Variants in TOP6BL observed in about 807,000 individuals in gnomAD.
TOP6BL encodes TOP6B like initiator of meiotic double strand breaks, also known as type 2 DNA topoisomerase 6 subunit B-like.
the TOP6BL span, chr11:66,828,177 T>A: frequency 1.2e-6 from 1 of 824,842 alleles, no homozygotes; most frequent in African/African-American, 1.7e-5. Context: ...GTCTGCCTCC[T>A]CATCTCCCTG....
the TOP6BL span, among the ~76,000 whole-genome samples, chr11:66,796,785 GA>G: frequency 6.2e-3 from 589 of 95,394 alleles, 2 homozygotes; most frequent in East Asian, 0.021. Context: ...CCTGTCTTTG[GA>G]AAAAAAAAAA....
the TOP6BL span, among the ~76,000 whole-genome samples, chr11:66,755,994 C>A: frequency 1.3e-5 from 2 of 152,184 alleles, no homozygotes; most frequent in Admixed American, 1.3e-4. Flanking sequence ...GGGGCTAGTA[C>A]TTAAAACTAT....
the TOP6BL span, among the ~76,000 whole-genome samples, chr11:66,771,017 G>A: frequency 6.6e-6 from 1 of 151,788 alleles, no homozygotes; most frequent in South Asian, 2.1e-4. Flanking sequence ...AACTTCTTGG[G>A]GTTGTTCAGT....
chr11:66,794,805 G>T, the TOP6BL span, among the ~76,000 whole-genome samples: 10 of 152,182 alleles, frequency 6.6e-5, no homozygotes, highest in African/African-American at 2.2e-4. Context: ...CCTTAGGCAT[G>T]TTGCTTAACT....
At chr11:66,842,692 G>A in the TOP6BL span, 3 of 709,886 alleles carry the variant, frequency 4.2e-6, no homozygotes, top group Admixed American at 6.1e-5. Flanking sequence ...CTCCAGAAGC[G>A]CCCACAGCTG....
At chr11:66,789,250 A>G in the TOP6BL span, among the ~76,000 whole-genome samples, 8 of 152,204 alleles carry the variant, frequency 5.3e-5, no homozygotes, top group Non-Finnish European at 1.0e-4. Context: ...CTACCTGGAT[A>G]CATTTTTATT....
the TOP6BL span, among the ~76,000 whole-genome samples, chr11:66,830,841 CTG>C: frequency 2.0e-5 from 3 of 152,208 alleles, no homozygotes; most frequent in African/African-American, 7.2e-5. Context: ...CCTGATAGCA[CTG>C]TATCTGTTTT....
the TOP6BL span, among the ~76,000 whole-genome samples, chr11:66,799,967 A>C: frequency 6.6e-6 from 1 of 151,628 alleles, no homozygotes; most frequent in South Asian, 2.1e-4. Flanking sequence ...TGTGGTCCCA[A>C]CTACTCAGGA....
At chr11:66,825,554 G>A in the TOP6BL span, among the ~76,000 whole-genome samples, 2 of 151,692 alleles carry the variant, frequency 1.3e-5, no homozygotes, top group East Asian at 3.9e-4. Flanking sequence ...GACACAGGGA[G>A]GAAGTGGGCA....
the TOP6BL span, among the ~76,000 whole-genome samples, chr11:66,832,734 C>T: frequency 6.6e-6 from 1 of 152,252 alleles, no homozygotes; most frequent in Admixed American, 6.5e-5. Flanking sequence ...CCGCTGTCCA[C>T]GCCTTGCGCA....
chr11:66,745,304 C>T, the TOP6BL span, among the ~76,000 whole-genome samples: 1 of 3,734 alleles, frequency 2.7e-4, no homozygotes, highest in Non-Finnish European at 7.3e-4. Context: ...CCTGGCGTTG[C>T]GGGGCGGGGT....
the TOP6BL span, among the ~76,000 whole-genome samples, chr11:66,747,468 C>T: frequency 6.6e-6 from 1 of 151,956 alleles, no homozygotes; most frequent in Non-Finnish European, 1.5e-5. Flanking sequence ...ACCTTGGCCT[C>T]CCAAAGTGCT....
chr11:66,817,195 G>C, the TOP6BL span, among the ~76,000 whole-genome samples: 1 of 148,762 alleles, frequency 6.7e-6, no homozygotes, highest in Admixed American at 6.6e-5. Flanking sequence ...CACTTCTCAG[G>C]TGATTCTGAT....
chr11:66,745,492 A>G, the TOP6BL span, among the ~76,000 whole-genome samples: 2 of 152,210 alleles, frequency 1.3e-5, no homozygotes, highest in East Asian at 1.9e-4. Flanking sequence ...GGAAGACGGC[A>G]CTGAGCGCCT....
the TOP6BL span, chr11:66,761,889 C>T: frequency 8.9e-7 from 1 of 1,128,454 alleles, no homozygotes; most frequent in Non-Finnish European, 1.4e-6. Flanking sequence ...GGCCTTCTTG[C>T]CATCATTCTT....
chr11:66,838,350 C>T, the TOP6BL span: 1 of 1,611,724 alleles, frequency 6.2e-7, no homozygotes, highest in Non-Finnish European at 8.5e-7. Context: ...TCACTTAGGA[C>T]TTCTAATTTT....
At chr11:66,769,799 G>GGC in the TOP6BL span, among the ~76,000 whole-genome samples, 1 of 151,676 alleles carries the variant, frequency 6.6e-6, no homozygotes, top group Non-Finnish European at 1.5e-5. Flanking sequence ...GGAGTGCAGT[G>GGC]GTGCAATCTT....
At chr11:66,806,818 G>T in the TOP6BL span, among the ~76,000 whole-genome samples, 1 of 152,188 alleles carries the variant, frequency 6.6e-6, no homozygotes, top group Admixed American at 6.5e-5. Flanking sequence ...ATCTGATGTT[G>T]CATATCAGAT....
At chr11:66,775,867 T>C in the TOP6BL span, among the ~76,000 whole-genome samples, 860 of 152,292 alleles carry the variant, frequency 5.6e-3, 28 homozygotes, top group Non-Finnish European at 3.1e-3. Context: ...TAGATATCTT[T>C]TGCTATATTT....
Sources: gnomAD v4.1 joint callset for allele counts (sites outside exome capture counted in the v4.1 genomes callset) on GRCh38, gnomAD v4.1.1 for gene constraint, MANE v1.5 for transcripts, NCBI Gene and HGNC (gene_info 2026-07-23, HGNC 2026-07-21) for gene names.